The following RAD54L2 variants were observed in gnomAD, a reference collection of about 807,000 sequenced individuals.
RAD54L2 encodes the protein helicase ARIP4.
RAD54L2 carries 27 observed loss-of-function variants against 138.4 expected under a neutral mutation model. The observed-to-expected ratio is 0.20, with a 90% CI of 0.14 to 0.27. RAD54L2 has a LOEUF of 0.27. RAD54L2 is among the 10% of genes least tolerant of loss of function. RAD54L2 has a pLI of 1.00. For missense variants in RAD54L2, 1,396 were observed against 1,890.2 expected, an observed-to-expected ratio of 0.74 and a Z score of 4.85; for synonymous variants, 644 against 723.2, an observed-to-expected ratio of 0.89 and a Z score of 1.76.
chr3:51,640,115 C>T (rs1230004762), intron 14 of RAD54L2, 116 bp downstream of exon 14: 2 of 685,948 alleles, frequency 2.9e-6, no homozygotes, highest in Admixed American at 2.9e-5. Context: ...TGAGGACCTT[C>T]TTGCATGTTG....
At chr3:51,583,222 C>T (rs1479123854) in intron 2 of RAD54L2, among the ~76,000 whole-genome samples, 1 of 152,138 alleles carries the variant, frequency 6.6e-6, no homozygotes, top group Non-Finnish European at 1.5e-5. Context: ...CAGCTAGATT[C>T]CTAGATCTCC....
intron 3 of RAD54L2, among the ~76,000 whole-genome samples, chr3:51,605,297 C>T (rs1213645898): frequency 6.6e-6 from 1 of 151,064 alleles, no homozygotes; most frequent in Non-Finnish European, 1.5e-5. Flanking sequence ...CCATGTTAGC[C>T]AGGCTGGTCT....
In RAD54L2 at chr3:51,630,754, C is replaced by G. The variant is rs1700817017; in HGVS notation, c.648C>G (p.Asp216Glu). ...AGGAGGACACTCTGCACATTGTGGA[C>G]AGCAGTGAATCTGTCAGTGAAGATG... Reference protein sequence around the residue: ...SGEEDTLHIVDSSESVSEDDE... With the variant: ...SGEEDTLHIVESSESVSEDDE... Residue 216 changes from aspartate (D) to glutamate (E), a missense_variant, in exon 7 of 23, where the codon GAC becomes GAG. By Grantham distance (45) the Asp-to-Glu change is conservative. Around this residue, in one of 7 missense-constraint regions of RAD54L2, gnomAD observed 256 missense variants for 344.6 expected, o/e 0.74. Coordinates refer to ENST00000684192, the MANE Select transcript of RAD54L2 (RefSeq NM_015106.4). 1.2e-6 allele frequency: 2 copies of G among 1,613,864 alleles called. No individual in the cohort carries two copies. The highest frequency in any genetic ancestry group is 2.2e-5 in the South Asian group (2 of 91,086).
intron 19 of RAD54L2, among the ~76,000 whole-genome samples, chr3:51,648,590 G>A (rs536078469): frequency 2.6e-5 from 4 of 152,284 alleles, no homozygotes; most frequent in East Asian, 1.9e-4. Flanking sequence ...CCTCTGAGAC[G>A]AAGCTTCCAG....
chr3:51,559,528 A>C (rs1373806706), intron 2 of RAD54L2, among the ~76,000 whole-genome samples: 1 of 152,162 alleles, frequency 6.6e-6, no homozygotes, highest in Non-Finnish European at 1.5e-5. Context: ...GGGTCTTTGC[A>C]TCTGGGTTAT....
At chr3:51,551,967 A>T (rs1698849911) in intron 2 of RAD54L2, among the ~76,000 whole-genome samples, 1 of 151,420 alleles carries the variant, frequency 6.6e-6, no homozygotes, top group Non-Finnish European at 1.5e-5. Context: ...GGCCAGGATG[A>T]TCTCAATCTC....
intron 2 of RAD54L2, among the ~76,000 whole-genome samples, chr3:51,578,928 G>A (rs1699544749): frequency 6.6e-6 from 1 of 152,268 alleles, no homozygotes; most frequent in Non-Finnish European, 1.5e-5. Context: ...CGAATTGAAG[G>A]TGGTAAATGT....
intron 2 of RAD54L2, among the ~76,000 whole-genome samples, chr3:51,567,157 C>T (rs1294574584): frequency 1.3e-5 from 2 of 152,180 alleles, no homozygotes; most frequent in Non-Finnish European, 2.9e-5. Context: ...AGTGTCAAAT[C>T]TCAAGAGTAT....
At chr3:51,569,266 C>T (rs1047130993) in intron 2 of RAD54L2, among the ~76,000 whole-genome samples, 1 of 152,182 alleles carries the variant, frequency 6.6e-6, no homozygotes, top group Non-Finnish European at 1.5e-5. Context: ...GGCAGCATAA[C>T]CACATTCCTC....
intron 3 of RAD54L2, among the ~76,000 whole-genome samples, chr3:51,615,844 T>C (rs1364689051): frequency 2.6e-5 from 4 of 152,210 alleles, no homozygotes; most frequent in African/African-American, 9.6e-5. Flanking sequence ...TTTAAACTTA[T>C]GTCTGGTTTA....
intron 3 of RAD54L2, among the ~76,000 whole-genome samples, chr3:51,626,487 C>T (rs886908343): frequency 8.9e-6 from 1 of 112,256 alleles, no homozygotes; most frequent in African/African-American, 3.4e-5. Context: ...TTATGTCGCC[C>T]AGGCTGGAGT....
intron 19 of RAD54L2, among the ~76,000 whole-genome samples, chr3:51,648,821 T>C (rs1260534927): frequency 2.0e-5 from 3 of 151,982 alleles, no homozygotes; most frequent in African/African-American, 7.3e-5. Flanking sequence ...AGACCAAAGG[T>C]AGATAAAACC....
At chr3:51,639,831 A>G in intron 13 of RAD54L2, 50 bp from the exon 14 acceptor site, 2 of 1,492,036 alleles carry the variant, frequency 1.3e-6, no homozygotes, top group Non-Finnish European at 1.8e-6. Flanking sequence ...TTTTATTTCT[A>G]GTGATCTGGC....
At chr3:51,654,174 A>C (rs1701532542) in intron 19 of RAD54L2, among the ~76,000 whole-genome samples, 1 of 151,902 alleles carries the variant, frequency 6.6e-6, no homozygotes, top group African/African-American at 2.4e-5. Flanking sequence ...TAGCTACCCA[A>C]GTAGCTGGGA....
intron 7 of RAD54L2, 54 bp downstream of exon 7, chr3:51,630,985 A>G (rs1238422604): frequency 4.0e-6 from 6 of 1,513,122 alleles, no homozygotes; most frequent in African/African-American, 1.4e-5. Flanking sequence ...CTTGTTGTGA[A>G]CATTGCCTGC....
intron 19 of RAD54L2, among the ~76,000 whole-genome samples, chr3:51,653,798 G>T (rs527812667): frequency 1.3e-5 from 2 of 152,146 alleles, no homozygotes; most frequent in South Asian, 4.1e-4. Context: ...GGGGGATGGG[G>T]GAGGGATAGC....
rs181244835 is a variant in RAD54L2 at position 51,657,731 on chromosome 3, G to T, written c.3316+62G>T. 169 of 1,166,518 alleles carry T rather than the reference G, an allele frequency of 1.4e-4. 1 individual carries two copies. In the Middle Eastern group the frequency reaches 2.5e-3, roughly 17 times the overall value. The allele number at this position is 1,166,518 out of a possible 1,614,324, so 72.3% of individuals were successfully genotyped here. ...GTTGAGAGTGCTGGGCTGGGAAGAA[G>T]AATAAATACATATGACTTGAGCTAG... is the stretch of plus-strand genomic sequence containing the variant. On this transcript the variant is annotated intron_variant, in intron 21 of 22. Coordinates refer to ENST00000684192, the MANE Select transcript of RAD54L2 (RefSeq NM_015106.4).
chr3:51,555,569 T>G (rs969102509), intron 2 of RAD54L2, among the ~76,000 whole-genome samples: 3 of 152,094 alleles, frequency 2.0e-5, no homozygotes, highest in Admixed American at 6.6e-5. Context: ...GGTGGGAGAA[T>G]TGCTTGAACC....
intron 2 of RAD54L2, among the ~76,000 whole-genome samples, chr3:51,589,126 G>C (rs75808209): frequency 6.6e-6 from 1 of 152,134 alleles, no homozygotes; most frequent in Admixed American, 6.6e-5. Flanking sequence ...GTTACATCCT[G>C]ATAAATGCAT....
Sources: allele counts gnomAD v4.1 joint callset (sites outside exome capture counted in the v4.1 genomes callset), GRCh38; gene constraint gnomAD v4.1.1; regional missense constraint gnomAD v4.1.1; transcripts MANE v1.5; gene names NCBI Gene and HGNC (gene_info 2026-07-23, HGNC 2026-07-21).